The following ZNF316 variants were observed in gnomAD, a reference collection of about 807,000 sequenced individuals.
The protein encoded by ZNF316 is zinc finger protein 316.
Under a neutral mutation model 75.6 loss-of-function variants are expected in ZNF316, and 23 were observed. The observed-to-expected ratio is 0.30, with a 90% CI of 0.22 to 0.43. The LOEUF (loss-of-function observed/expected upper bound fraction) is 0.43. ZNF316 is among the 20% of genes least tolerant of loss of function. The pLI is 1.00. For missense variants in ZNF316, 1,266 were observed against 1,409.4 expected (o/e 0.90, Z 1.63); for synonymous variants, 827 against 666.2 (o/e 1.24, Z -3.72).
At chr7:6,652,175 C>G (rs1466490700) in intron 8 of ZNF316, 128 bp from the exon 9 acceptor site, 13 of 870,892 alleles carry the variant, frequency 1.5e-5, no homozygotes, top group Admixed American at 4.3e-5. Context: ...AGGAGGTGCC[C>G]CGTCCGACTG....
intron 7 of ZNF316, 53 bp downstream of exon 7, chr7:6,644,001 G>T: frequency 8.1e-7 from 1 of 1,230,964 alleles, no homozygotes; most frequent in Non-Finnish European, 1.0e-6. Context: ...ATGGCTGCCA[G>T]GGTCTTAGCT....
chr7:6,652,977 C>T lies in ZNF316; in HGVS notation c.1381C>T (p.His461Tyr), dbSNP rs1417959398. ...CGGCGAGCGACCCTACCCGTGTTCG[C>T]ACTGCGGCCGCAGCTTCAGCCAGAG... ...HTGERPYPCS[H>Y]CGRSFSQSSA... Residue 461 changes from histidine to tyrosine, a missense_variant, in exon 9 of 9, where the codon CAC (histidine) becomes TAC (tyrosine). Coordinates refer to ENST00000382252, the MANE Select transcript of ZNF316 (RefSeq NM_001278559.2). 29 of 1,235,016 alleles carry T rather than the reference C, an allele frequency of 2.3e-5. No individual in the cohort carries two copies. The highest frequency in any genetic ancestry group is 3.2e-5 in the East Asian group (1 of 31,500). The allele number at this position is 1,235,016 out of a possible 1,614,324, so 76.5% of individuals were successfully genotyped here. A position where few individuals can be genotyped will look rare whatever the true frequency, so the allele number is the denominator to read the frequency against.
rs988689464 is a variant in ZNF316 at position 6,654,527 on chromosome 7, G to C, written c.2931G>C (p.Glu977Asp). The C allele has an allele frequency of 1.4e-4, 162 of 1,179,028 alleles. No homozygotes were observed. Among genetic ancestry groups the C allele is most frequent in the Non-Finnish European group, 1.6e-4 (155 of 954,194 alleles). The allele number at this position is 1,179,028 out of a possible 1,614,324, so 73.0% of individuals were successfully genotyped here. The stretch of plus-strand genomic sequence containing the variant: ...GTGAGCGCGGCAGCGCCCTGCTGGA[G>C]TTCGCGGGCGGCACAAGCTTCGGCT... ...GPGERGSALL[E>D]FAGGTSFGSE... Residue 977 changes from glutamate (E) to aspartate (D), a missense_variant, in exon 9 of 9, where the codon GAG becomes GAC. Coordinates refer to ENST00000382252, the MANE Select transcript of ZNF316 (RefSeq NM_001278559.2).
intron 8 of ZNF316, among the ~76,000 whole-genome samples, chr7:6,647,674 G>A (rs1258929860): frequency 6.6e-6 from 1 of 152,244 alleles, no homozygotes; most frequent in Non-Finnish European, 1.5e-5. Flanking sequence ...TCGCCGTGGG[G>A]CCCAGGTCAG....
At position 6,639,541 on chromosome 7, in the gene ZNF316, C is replaced by T. The variant is rs1275294704; in HGVS notation, c.-167+400C>T. 1.3e-5 allele frequency among the ~76,000 whole-genome samples: 2 copies of T among 152,192 alleles called. No individual in the cohort carries two copies. The highest frequency in any genetic ancestry group is 6.6e-5 in the Admixed American group (1 of 15,246). ...AGAGTTCTGGGGATGGGGAATAACACACACACGGCCTGAGATGAGATGAAC... is the reference window on the plus strand; with the variant it reads ...AGAGTTCTGGGGATGGGGAATAACATACACACGGCCTGAGATGAGATGAAC... On this transcript the variant is annotated intron_variant, in intron 3 of 8. Transcript: ENST00000382252. This position sits in a 1 kb window ranked among gnomAD's most constrained non-coding sequence, Gnocchi z 4.2.
Position 6,653,512 on chromosome 7 carries a change from C to T in ZNF316, c.1916C>T (p.Pro639Leu), listed in dbSNP as rs1480467513. 4.1e-6 allele frequency: 5 copies of T among 1,220,962 alleles called. No homozygotes were observed. Among genetic ancestry groups the T allele is most frequent in the Non-Finnish European group, 4.1e-6 (4 of 981,540 alleles). 75.6% of individuals were successfully genotyped at this position (1,220,962 alleles called of 1,614,324 possible). Reference sequence around the variant, plus strand: ...CCGCTCCCGGCGCCCCTGGGGGGCCCGCTCTCCCTGGTGGAGGGTACCGGG... The same window carrying T: ...CCGCTCCCGGCGCCCCTGGGGGGCCTGCTCTCCCTGGTGGAGGGTACCGGG... ...GRPLPAPLGG[P>L]LSLVEGTGLA... The change falls in exon 9 of 9, where the codon CCG (proline) becomes CTG (leucine). Residue 639 changes from proline (P) to leucine (L), a missense_variant. Pro to Leu is a moderately conservative substitution (Grantham distance 98, BLOSUM62 -3). This residue lies in a region of ZNF316 where 961 missense variants were observed against 990.9 expected (regional missense o/e 0.97). Coordinates refer to ENST00000382252, the MANE Select transcript of ZNF316 (RefSeq NM_001278559.2).
rs1351415144 is a variant in ZNF316, at chr7:6,637,787, G to C, written c.-430-59G>C. On this transcript the variant is annotated intron_variant, in intron 1 of 8. Transcript: ENST00000382252. The surrounding 1 kb of genome is among the most constrained non-coding windows in gnomAD (Gnocchi z 6.2). ...CACGCCTTCTCGGCCGCAGCGGCAG[G>C]GGCTGGGCCGCGGCCGCCCCCAGGA... 6.6e-6 allele frequency: 1 copy of C among 152,156 alleles called. No individual in the cohort carries two copies. The highest frequency in any genetic ancestry group is 2.4e-5 in the African/African-American group (1 of 41,420). 9.4% of individuals were successfully genotyped at this position (152,156 alleles called of 1,614,324 possible).
Position 6,639,571 on chromosome 7 carries a change from A to ATTATTCCAAACAT in ZNF316, c.-167+430_-167+431insTTATTCCAAACAT, listed in dbSNP as rs1229457047. Among the ~76,000 whole-genome samples the ATTATTCCAAACAT allele has an allele frequency of 1.3e-5, 2 of 152,204 alleles. No individual in the cohort carries two copies. Among genetic ancestry groups the ATTATTCCAAACAT allele is most frequent in the Non-Finnish European group, 2.9e-5 (2 of 68,036 alleles). Reference sequence around the variant, plus strand: ...ACGGCCTGAGATGAGATGAACATGCAGCCACTTTATTCCAAAGCTGTGAAG... The same window carrying ATTATTCCAAACAT: ...ACGGCCTGAGATGAGATGAACATGCATTATTCCAAACATGCCACTTTATTCCAAAGCTGTGAAG... On this transcript the variant is annotated intron_variant, in intron 3 of 8. Coordinates refer to ENST00000382252, the MANE Select transcript of ZNF316 (RefSeq NM_001278559.2). The surrounding 1 kb of genome is among the most constrained non-coding windows in gnomAD (Gnocchi z 4.2).
chr7:6,653,303 G>A lies in ZNF316; in HGVS notation c.1707G>A (p.Lys569=). The part of the protein sequence containing the change: ...AAVAAPTPSG[K]VDPAPERRFL... ...TGGCGGCGCCCACCCCCAGCGGCAA[G>A]GTGGACCCCGCGCCGGAACGGCGCT... is the stretch of plus-strand genomic sequence containing the variant. The change falls in exon 9 of 9, where the codon AAG becomes AAA. Residue 569 remains lysine (K), a synonymous_variant. Coordinates refer to ENST00000382252, the MANE Select transcript of ZNF316 (RefSeq NM_001278559.2). The A allele has an allele frequency of 8.1e-7, 1 of 1,227,284 alleles. No individual in the cohort carries two copies. The highest frequency in any genetic ancestry group is 1.0e-6 in the Non-Finnish European group (1 of 985,624). The allele number at this position is 1,227,284 out of a possible 1,614,324, so 76.0% of individuals were successfully genotyped here. A position where few individuals can be genotyped will look rare whatever the true frequency, so the allele number is the denominator to read the frequency against.
chr7:6,657,617 A>C lies in ZNF316; in HGVS notation c.*3006A>C, dbSNP rs951289129. On this transcript the variant is annotated 3_prime_UTR_variant, in exon 9 of 9. Coordinates refer to ENST00000382252, the MANE Select transcript of ZNF316 (RefSeq NM_001278559.2). ...AGGCCAAGGCGGATCCCTTGAGCTC[A>C]GATGGATTCCTTGAGCTCAGGAGTT... Among the ~76,000 whole-genome samples, 6 of 152,032 alleles carry C rather than the reference A, an allele frequency of 3.9e-5. No homozygotes were observed. The highest frequency in any genetic ancestry group is 1.4e-4 in the African/African-American group (6 of 41,388).
chr7:6,653,570 C>A lies in ZNF316; in HGVS notation c.1974C>A (p.Ala658=). The part of the protein sequence containing the change: ...LACDPFGGGG[A]AGGGGGLRAF... ...GCGACCCTTTCGGCGGCGGCGGGGC[C>A]GCGGGCGGCGGAGGCGGCCTGCGCG... Residue 658 remains alanine (A), a synonymous_variant, in exon 9 of 9, where the codon GCC becomes GCA. Transcript: ENST00000382252. The A allele has an allele frequency of 2.7e-6, 3 of 1,111,696 alleles. No individual in the cohort carries two copies. The highest frequency in any genetic ancestry group is 3.3e-6 in the Non-Finnish European group (3 of 910,748). 68.9% of individuals were successfully genotyped at this position (1,111,696 alleles called of 1,614,324 possible).
Position 6,657,917 on chromosome 7 carries a change from A to G in ZNF316, c.*3306A>G, listed in dbSNP as rs1447012952. The stretch of plus-strand genomic sequence containing the variant: ...CCAAATACTTAAAAAAAAAGTTTAT[A>G]GGGAGAAAAATACCCTCCCCCATCC... On this transcript the variant is annotated 3_prime_UTR_variant, in exon 9 of 9. Transcript: ENST00000382252. 6.7e-6 allele frequency among the ~76,000 whole-genome samples: 1 copy of G among 150,156 alleles called. No homozygotes were observed. The highest frequency in any genetic ancestry group is 1.5e-5 in the Non-Finnish European group (1 of 67,414).
intron 8 of ZNF316, among the ~76,000 whole-genome samples, chr7:6,651,596 A>G (rs1184623346): frequency 6.6e-6 from 1 of 152,022 alleles, no homozygotes; most frequent in Non-Finnish European, 1.5e-5. Flanking sequence ...TGGAGGTTGC[A>G]GTGAGCTTTT....
Position 6,644,571 on chromosome 7 carries a change from C to T in ZNF316, c.684C>T (p.Asp228=). 2 of 1,232,188 alleles carry T rather than the reference C, an allele frequency of 1.6e-6. No individual in the cohort carries two copies. Among genetic ancestry groups the T allele is most frequent in the Non-Finnish European group, 2.0e-6 (2 of 987,936 alleles). 76.3% of individuals were successfully genotyped at this position (1,232,188 alleles called of 1,614,324 possible). Residue 228 remains aspartate, a synonymous_variant, in exon 8 of 9, where the codon GAC becomes GAT. Transcript: ENST00000382252. ...ATAGTCCCCGACCTGAGGAAGGAGACATCGTCACTGGCGTCTACACAGGTG... is the reference window on the plus strand; with the variant it reads ...ATAGTCCCCGACCTGAGGAAGGAGATATCGTCACTGGCGTCTACACAGGTG... ...VPDSPRPEEG[D]IVTGVYTGAW...
intron 8 of ZNF316, among the ~76,000 whole-genome samples, chr7:6,647,111 C>T (rs971461503): frequency 6.6e-6 from 1 of 152,236 alleles, no homozygotes; most frequent in South Asian, 2.1e-4. Context: ...CTGCCAGTGG[C>T]ATTGGCCTGG....
chr7:6,653,313 G>T lies in ZNF316; in HGVS notation c.1717G>T (p.Ala573Ser). The change falls in exon 9 of 9, where the codon GCG becomes TCG. Residue 573 changes from alanine (A) to serine (S), a missense_variant. Physicochemically the swap from Ala to Ser is moderately conservative, Grantham distance 99. This residue lies in a region of ZNF316 where 961 missense variants were observed against 990.9 expected (regional missense o/e 0.97). Coordinates refer to ENST00000382252, the MANE Select transcript of ZNF316 (RefSeq NM_001278559.2). The stretch of plus-strand genomic sequence containing the variant: ...CACCCCCAGCGGCAAGGTGGACCCC[G>T]CGCCGGAACGGCGCTTCCTGGAGCT... ...APTPSGKVDP[A>S]PERRFLELGN... 8.2e-7 allele frequency: 1 copy of T among 1,226,870 alleles called. No individual in the cohort carries two copies. The highest frequency in any genetic ancestry group is 3.2e-5 in the East Asian group (1 of 31,496). The allele number at this position is 1,226,870 out of a possible 1,614,324, so 76.0% of individuals were successfully genotyped here. A position where few individuals can be genotyped will look rare whatever the true frequency, so the allele number is the denominator to read the frequency against.
Position 6,652,693 on chromosome 7 carries a change from A to G in ZNF316, c.1097A>G (p.Tyr366Cys). The change falls in exon 9 of 9, where the codon TAC becomes TGC. Residue 366 changes from tyrosine (Y) to cysteine (C), a missense_variant. Physicochemically the swap from Tyr to Cys is radical, Grantham distance 194 (BLOSUM62 -2). Transcript: ENST00000382252. The part of the protein sequence containing the change: ...HRSRLAKHQR[Y>C]HAAVKPFGCE... ...TCGCGGCTGGCCAAGCACCAGCGCT[A>G]CCACGCGGCCGTCAAGCCCTTCGGC... The G allele has an allele frequency of 8.1e-7, 1 of 1,235,042 alleles. No homozygotes were observed. The highest frequency in any genetic ancestry group is 1.0e-6 in the Non-Finnish European group (1 of 989,360). The allele number at this position is 1,235,042 out of a possible 1,614,324, so 76.5% of individuals were successfully genotyped here.
chr7:6,642,941 C>T lies in ZNF316; in HGVS notation c.356-23C>T. 1 of 1,232,188 alleles carries T rather than the reference C, an allele frequency of 8.1e-7. No homozygotes were observed. Among genetic ancestry groups the T allele is most frequent in the Non-Finnish European group, 1.0e-6 (1 of 988,170 alleles). The allele number at this position is 1,232,188 out of a possible 1,614,324, so 76.3% of individuals were successfully genotyped here. A position where few individuals can be genotyped will look rare whatever the true frequency, so the allele number is the denominator to read the frequency against. On this transcript the variant is annotated intron_variant, in intron 5 of 8. Transcript: ENST00000382252. The surrounding 1 kb of genome is among the most constrained non-coding windows in gnomAD (Gnocchi z 8.1). ...CAGGCTGGGGGCTCAGGGCAGCTGGCCCTAAGAGATCTCTCCCCACAGGCC... is the reference window on the plus strand; with the variant it reads ...CAGGCTGGGGGCTCAGGGCAGCTGGTCCTAAGAGATCTCTCCCCACAGGCC...
intron 8 of ZNF316, among the ~76,000 whole-genome samples, chr7:6,647,626 A>G (rs1020983173): frequency 6.6e-6 from 1 of 152,158 alleles, no homozygotes; most frequent in African/African-American, 2.4e-5. Context: ...TGTCAGAGGG[A>G]GAGAAGTGGC....
Sources: allele counts gnomAD v4.1 joint callset (sites outside exome capture counted in the v4.1 genomes callset), GRCh38; gene constraint gnomAD v4.1.1; regional missense constraint gnomAD v4.1.1; non-coding constraint Gnocchi (gnomAD v3.1); transcripts MANE v1.5; gene names NCBI Gene and HGNC (gene_info 2026-07-23, HGNC 2026-07-21).